The following JMY variants were observed in gnomAD, a reference collection of about 807,000 sequenced individuals.
JMY encodes the protein junction mediating and regulatory protein, p53 cofactor.
A neutral mutation model predicts 103.3 loss-of-function variants in JMY; 46 were observed. That is an observed-to-expected ratio of 0.45 (90% confidence interval 0.35 to 0.57). The LOEUF (loss-of-function observed/expected upper bound fraction) is 0.57. Ranked by LOEUF, JMY falls within the 20% of genes least tolerant of loss-of-function variation. The pLI is 0.00. For missense variants in JMY, 1,238 were observed against 1,255.2 expected, an observed-to-expected ratio of 0.99 and a Z score of 0.21; for synonymous variants, 526 against 489.3, an observed-to-expected ratio of 1.07 and a Z score of -0.99.
chr5:79,316,539 GTCC>G (rs894851972), intron 10 of JMY, among the ~76,000 whole-genome samples: 6 of 151,914 alleles, frequency 3.9e-5, no homozygotes, highest in South Asian at 2.1e-4. Flanking sequence ...TTTTAAAAAT[GTCC>G]TCCTCATTAA....
At chr5:79,270,482 A>AATATTTAAAATGT (rs1561297721) in intron 1 of JMY, among the ~76,000 whole-genome samples, 1 of 102,114 alleles carries the variant, frequency 9.8e-6, no homozygotes, top group African/African-American at 3.9e-5. Context: ...TATTTACATA[A>AATATTTAAAATGT]ATATTTACAT....
At chr5:79,259,166 C>A (rs1384668216) in intron 1 of JMY, among the ~76,000 whole-genome samples, 1 of 152,126 alleles carries the variant, frequency 6.6e-6, no homozygotes, top group Non-Finnish European at 1.5e-5. Context: ...CTTTTCTCTG[C>A]TGGGCAGGTC....
chr5:79,247,035 T>C (rs1336236528), intron 1 of JMY, among the ~76,000 whole-genome samples: 1 of 152,166 alleles, frequency 6.6e-6, no homozygotes, highest in Non-Finnish European at 1.5e-5. Flanking sequence ...CTACATAACG[T>C]ATCTATTGTA....
chr5:79,249,315 C>A (rs1384691329), intron 1 of JMY, among the ~76,000 whole-genome samples: 1 of 152,176 alleles, frequency 6.6e-6, no homozygotes, highest in African/African-American at 2.4e-5. Context: ...AGCCACCGTG[C>A]CTGCCCTTGT....
chr5:79,295,656 T>A (rs1433673684), intron 4 of JMY, among the ~76,000 whole-genome samples: 1 of 152,218 alleles, frequency 6.6e-6, no homozygotes, highest in African/African-American at 2.4e-5. Flanking sequence ...TGCTGTTGAC[T>A]AGGTGATGTG....
Position 79,315,906 on chromosome 5 carries a change from G to T in JMY, c.2660-94G>T. The T allele has an allele frequency of 3.9e-6, 4 of 1,031,958 alleles. No homozygotes were observed. In the South Asian group the frequency reaches 4.5e-5, roughly 12 times the overall value. 63.9% of individuals were successfully genotyped at this position (1,031,958 alleles called of 1,614,324 possible). On this transcript the variant is annotated intron_variant, in intron 9 of 10. Coordinates refer to ENST00000396137, the MANE Select transcript of JMY (RefSeq NM_152405.5). Reference sequence around the variant, plus strand: ...TTTGAAGATGGTGTTTCAGCGTCCTGTGCTTTCACAGTTGCGAACGGTAGA... The same window carrying T: ...TTTGAAGATGGTGTTTCAGCGTCCTTTGCTTTCACAGTTGCGAACGGTAGA...
chr5:79,288,814 C>T (rs1746342938), intron 2 of JMY, among the ~76,000 whole-genome samples: 1 of 151,900 alleles, frequency 6.6e-6, no homozygotes, highest in Admixed American at 6.6e-5. Context: ...AGCAATCCTC[C>T]CTGTCTGTCT....
chr5:79,326,891 A>ATACT lies in JMY; in HGVS notation c.*5292_*5295dup, dbSNP rs1747665406. On this transcript the variant is annotated 3_prime_UTR_variant, in exon 11 of 11. Coordinates refer to ENST00000396137, the MANE Select transcript of JMY (RefSeq NM_152405.5). ...AAATGCCAACTCTTGCAAATTTACA[A>ATACT]TACTTAAATATGTTCAATTAACATC... is the stretch of plus-strand genomic sequence containing the variant. 1 of 152,194 alleles carries ATACT rather than the reference A, an allele frequency of 6.6e-6. No homozygotes were observed. The highest frequency in any genetic ancestry group is 1.5e-5 in the Non-Finnish European group (1 of 68,046). The allele number at this position is 152,194 out of a possible 1,614,324, so 9.4% of individuals were successfully genotyped here.
chr5:79,246,693 C>T (rs10805926), intron 1 of JMY, among the ~76,000 whole-genome samples: 52,775 of 151,898 alleles, frequency 0.35, 9,617 homozygotes, highest in South Asian at 0.52. Context: ...CTAGCCTGGC[C>T]AACATGGTAA....
intron 1 of JMY, among the ~76,000 whole-genome samples, chr5:79,263,188 G>A (rs964734714): frequency 2.6e-5 from 4 of 152,110 alleles, no homozygotes; most frequent in Non-Finnish European, 5.9e-5. Context: ...GAAAGTGTTA[G>A]TTTTCAAGCG....
chr5:79,242,529 T>A (rs1436410574), intron 1 of JMY, among the ~76,000 whole-genome samples: 1 of 152,156 alleles, frequency 6.6e-6, no homozygotes, highest in Admixed American at 6.6e-5. Context: ...TTTATACCTA[T>A]TTTACTGAGG....
intron 1 of JMY, among the ~76,000 whole-genome samples, chr5:79,263,361 G>A (rs944664241): frequency 2.0e-5 from 3 of 152,214 alleles, no homozygotes; most frequent in Non-Finnish European, 4.4e-5. Flanking sequence ...AAGTATCCTT[G>A]AATATGCACG....
intron 7 of JMY, among the ~76,000 whole-genome samples, chr5:79,310,549 A>G (rs1747015871): frequency 6.6e-6 from 1 of 152,202 alleles, no homozygotes; most frequent in Non-Finnish European, 1.5e-5. Context: ...TTTCAATGCT[A>G]GTTTTAAACC....
chr5:79,306,307 A>G, intron 6 of JMY, 68 bp from the exon 7 acceptor site: 2 of 1,077,238 alleles, frequency 1.9e-6, no homozygotes, highest in Admixed American at 1.8e-5. Context: ...ATCAAAATTT[A>G]ACCTTGGTGT....
chr5:79,273,059 T>A (rs1339596245), intron 1 of JMY, among the ~76,000 whole-genome samples: 3 of 152,224 alleles, frequency 2.0e-5, no homozygotes, highest in Admixed American at 1.3e-4. Context: ...TCGTATGATT[T>A]TTGCTTTGAA....
intron 3 of JMY, among the ~76,000 whole-genome samples, 158 bp from the exon 4 acceptor site, chr5:79,290,972 G>A (rs995312671): frequency 2.6e-5 from 4 of 152,138 alleles, no homozygotes; most frequent in East Asian, 3.9e-4. Context: ...GCAACAGAGC[G>A]AGACTCCATC....
At position 79,314,715 on chromosome 5, in the gene JMY, G is replaced by T. The variant is rs746647361; in HGVS notation, c.2523G>T (p.Leu841=). 4 of 1,588,154 alleles carry T rather than the reference G, an allele frequency of 2.5e-6. No homozygotes were observed. In the Admixed American group the frequency reaches 7.1e-5, roughly 28 times the overall value. ...GCCCAGAGACACTGGAGAAAGATCT[G>T]CCTAGAAAGGAGGGGAATGAGAAGA... The part of the protein sequence containing the change: ...DSGPETLEKD[L]PRKEGNEKRI... The change falls in exon 9 of 11, where the codon CTG becomes CTT. Residue 841 remains leucine (L), a synonymous_variant. Transcript: ENST00000396137.
intron 10 of JMY, among the ~76,000 whole-genome samples, chr5:79,318,741 A>AATATATATATAT (rs71830021): frequency 7.4e-6 from 1 of 134,772 alleles, no homozygotes; most frequent in Non-Finnish European, 1.6e-5. Context: ...TTTGTAAAGG[A>AATATATATATAT]ATATATATAT....
chr5:79,314,998 ATTC>A, intron 9 of JMY, 147 bp downstream of exon 9: 1 of 676,332 alleles, frequency 1.5e-6, no homozygotes, highest in Non-Finnish European at 2.4e-6. Context: ...CTAGAGGAGA[ATTC>A]TTAGTGCATA....
Sources: allele counts gnomAD v4.1 joint callset (sites outside exome capture counted in the v4.1 genomes callset), GRCh38; gene constraint gnomAD v4.1.1; transcripts MANE v1.5; gene names NCBI Gene and HGNC (gene_info 2026-07-23, HGNC 2026-07-21).